PALM3: variants seen among roughly 807,000 people sequenced by gnomAD.
PALM3 encodes paralemmin-3.
Under a neutral mutation model 27.9 loss-of-function variants are expected in PALM3, and 20 were observed. The observed-to-expected ratio is 0.72, with a 90% CI of 0.50 to 1.04. The LOEUF (loss-of-function observed/expected upper bound fraction) is 1.04, where lower values mean the gene tolerates loss of function less well. PALM3 is among the 50% of genes least tolerant of loss of function. The pLI, the probability that PALM3 is intolerant of heterozygous loss-of-function variation, is 0.00. For missense variants in PALM3, 814 were observed against 869.4 expected, an observed-to-expected ratio of 0.94 and a Z score of 0.80; for synonymous variants, 328 against 352.7, an observed-to-expected ratio of 0.93 and a Z score of 0.79.
Position 14,054,350 on chromosome 19 carries a change from T to C in PALM3, c.1322A>G (p.Lys441Arg). ...CAGCTCCAACTTCTTCTCTCCTCCT[T>C]TCCTCTCTACCACTGGTGACATCTC... ...EAEMSPVVERKGGEKKLELES... is the reference protein window; with the variant it reads ...EAEMSPVVERRGGEKKLELES... Residue 441 changes from lysine to arginine, a missense_variant, in exon 7 of 7, where the codon AAA becomes AGA. Transcript: ENST00000669674. 1 of 1,552,182 alleles carries C rather than the reference T, an allele frequency of 6.4e-7. No individual in the cohort carries two copies. Among genetic ancestry groups the C allele is most frequent in the Non-Finnish European group, 8.7e-7 (1 of 1,147,098 alleles).
chr19:14,054,745 C>G lies in PALM3; in HGVS notation c.927G>C (p.Arg309Ser). ...SDAEAMGEIG[R>S]VPEVVQTSSP... ...AGCTAGTCTGCACGACCTCAGGGAC[C>G]CTGCCTATCTCCCCCATGGCCTCTG... The change falls in exon 7 of 7, where the codon AGG (arginine) becomes AGC (serine). Residue 309 changes from arginine (R) to serine (S), a missense_variant. Coordinates refer to ENST00000669674, the MANE Select transcript of PALM3 (RefSeq NM_001145028.2). The G allele has an allele frequency of 1.3e-6, 2 of 1,551,852 alleles. No individual in the cohort carries two copies. Among genetic ancestry groups the G allele is most frequent in the Non-Finnish European group, 1.7e-6 (2 of 1,147,056 alleles).
rs1976247388 is a variant in PALM3, at chr19:14,054,170, A to G, written c.1502T>C (p.Leu501Ser). ...CTCACCTCCTTTCTTCTCTACTCCC[A>G]ATGGTTCTTCTACCTCCTCCTCCTC... The part of the protein sequence containing the change: ...GAEEEEVEEP[L>S]GVEKKGGEEE... The change falls in exon 7 of 7, where the codon TTG (leucine) becomes TCG (serine). Residue 501 changes from leucine to serine, a missense_variant. By Grantham distance (145) the Leu-to-Ser change is moderately radical. Transcript: ENST00000669674. 2 of 1,549,822 alleles carry G rather than the reference A, an allele frequency of 1.3e-6. No individual in the cohort carries two copies. Among genetic ancestry groups the G allele is most frequent in the South Asian group, 1.2e-5 (1 of 83,954 alleles).
chr19:14,059,259 AGCACTTT>A (rs1238753187), intron 1 of PALM3, 96 bp from the exon 2 acceptor site: 2 of 1,207,390 alleles, frequency 1.7e-6, no homozygotes, highest in African/African-American at 3.2e-5. Context: ...CCCCGAGCCC[AGCACTTT>A]GCCTCTGTTT....
Position 14,054,119 on chromosome 19 carries a change from G to A in PALM3, c.1553C>T (p.Pro518Leu). Reference protein sequence around the residue: ...GEEEPEATKEPLEAERKGGEE... With the variant: ...GEEEPEATKELLEAERKGGEE... ...CCCTCCCTTTCTCTCTGCCTCCAGT[G>A]GTTCTTTGGTTGCCTCTGGCTCTTC... The change falls in exon 7 of 7, where the codon CCA (proline) becomes CTA (leucine). Residue 518 changes from proline (P) to leucine (L), a missense_variant. Physicochemically the swap from Pro to Leu is moderately conservative, Grantham distance 98 (BLOSUM62 -3). Transcript: ENST00000669674. 6.4e-7 allele frequency: 1 copy of A among 1,551,606 alleles called. No individual in the cohort carries two copies. The highest frequency in any genetic ancestry group is 8.7e-7 in the Non-Finnish European group (1 of 1,146,954).
rs546924550 is a variant in PALM3 at position 14,057,249 on chromosome 19, C to G, written c.171+102G>C. The G allele has an allele frequency of 8.7e-5, 72 of 826,144 alleles. No homozygotes were observed. In the African/African-American group the frequency reaches 1.0e-3, roughly 12 times the overall value. The allele number at this position is 826,144 out of a possible 1,614,324, so 51.2% of individuals were successfully genotyped here. On this transcript the variant is annotated intron_variant, in intron 3 of 6. Coordinates refer to ENST00000669674, the MANE Select transcript of PALM3 (RefSeq NM_001145028.2). ...AACGCCCCCAACTGCCCGCTCCCCC[C>G]CAAAAATTGGACAGAGGCTCCTATC...
In PALM3 at chr19:14,053,853, G is replaced by A. The variant is rs1005802453; in HGVS notation, c.1819C>T (p.Pro607Ser). ...CCTTGGCCCTCAGCAGCGGTTTGGG[G>A]CTTCACTCCTTCCTCCTCCAGGGCT... ...VGALEEEGVK[P>S]QTAAEGQGPL... Residue 607 changes from proline (P) to serine (S), a missense_variant, in exon 7 of 7, where the codon CCC becomes TCC. Coordinates refer to ENST00000669674, the MANE Select transcript of PALM3 (RefSeq NM_001145028.2). 15 of 1,551,158 alleles carry A rather than the reference G, an allele frequency of 9.7e-6. No individual in the cohort carries two copies. The African/African-American group carries it at 1.8e-4, about 18-fold the overall frequency.
intron 1 of PALM3, among the ~76,000 whole-genome samples, 176 bp from the exon 2 acceptor site, chr19:14,059,339 T>G (rs556436604): frequency 2.6e-5 from 4 of 152,160 alleles, no homozygotes; most frequent in Admixed American, 6.5e-5. Flanking sequence ...AACTGAGCAG[T>G]GACCACGACT....
rs1227848166 is a variant in PALM3 at position 14,054,536 on chromosome 19, G to A, written c.1136C>T (p.Pro379Leu). ...TCCTCTCTCCCTCCCTGCCACCTCG[G>A]GCCCTTCCAACCCCTCCACCAGCAG... Reference protein sequence around the residue: ...EELLVEGLEGPEVAGRERGDE... With the variant: ...EELLVEGLEGLEVAGRERGDE... Residue 379 changes from proline (P) to leucine (L), a missense_variant, in exon 7 of 7, where the codon CCC (proline) becomes CTC (leucine). Pro to Leu is a moderately conservative substitution (Grantham distance 98). Transcript: ENST00000669674. 2 of 1,551,186 alleles carry A rather than the reference G, an allele frequency of 1.3e-6. No individual in the cohort carries two copies. The highest frequency in any genetic ancestry group is 2.4e-5 in the South Asian group (2 of 84,014).
chr19:14,054,858 C>T lies in PALM3; in HGVS notation c.814G>A (p.Gly272Arg), dbSNP rs1225462266. The T allele has an allele frequency of 6.5e-7, 1 of 1,549,604 alleles. No homozygotes were observed. The highest frequency in any genetic ancestry group is 8.7e-7 in the Non-Finnish European group (1 of 1,146,550). ...GCCGGGAGCTCCAGGCTACCAGCTCCCTTCCTGTCTCCGATGGCTTCCAGC... is the reference window on the plus strand; with the variant it reads ...GCCGGGAGCTCCAGGCTACCAGCTCTCTTCCTGTCTCCGATGGCTTCCAGC... ...VVLEAIGDRK[G>R]AGSLELPAWV... Residue 272 changes from glycine (G) to arginine (R), a missense_variant, in exon 7 of 7, where the codon GGA (glycine) becomes AGA (arginine). Physicochemically the swap from Gly to Arg is moderately radical, Grantham distance 125. Coordinates refer to ENST00000669674, the MANE Select transcript of PALM3 (RefSeq NM_001145028.2).
At position 14,061,030 on chromosome 19, in the gene PALM3, G is replaced by A. The variant is rs532676247; in HGVS notation, c.41+910C>T. Among the ~76,000 whole-genome samples the A allele has an allele frequency of 6.6e-5, 10 of 152,256 alleles. 1 individual carries two copies. In the South Asian group the frequency reaches 2.1e-3, roughly 32 times the overall value. On this transcript the variant is annotated intron_variant, in intron 1 of 6. Coordinates refer to ENST00000669674, the MANE Select transcript of PALM3 (RefSeq NM_001145028.2). The stretch of plus-strand genomic sequence containing the variant: ...CCCGCCTCGGCCTCCCAAAGTGCTG[G>A]GATTACAGGCGTGAGCCACCGTGCC...
In PALM3 at chr19:14,053,500, A is replaced by G. The variant is rs1976220037; in HGVS notation, c.*105T>C. ...GCAGGCTAGCTGGCTCCCAGGTGCCATGGCCAGTCCTGTGGTCCCTGTCTG... is the reference window on the plus strand; with the variant it reads ...GCAGGCTAGCTGGCTCCCAGGTGCCGTGGCCAGTCCTGTGGTCCCTGTCTG... On this transcript the variant is annotated 3_prime_UTR_variant, in exon 7 of 7. Coordinates refer to ENST00000669674, the MANE Select transcript of PALM3 (RefSeq NM_001145028.2). The G allele has an allele frequency of 7.6e-7, 1 of 1,316,862 alleles. No homozygotes were observed. Among genetic ancestry groups the G allele is most frequent in the Non-Finnish European group, 9.9e-7 (1 of 1,006,972 alleles). 81.6% of individuals were successfully genotyped at this position (1,316,862 alleles called of 1,614,324 possible). A position where few individuals can be genotyped will look rare whatever the true frequency, so the allele number is the denominator to read the frequency against.
In PALM3 at chr19:14,056,750, G is replaced by C; in HGVS notation, c.226C>G (p.Pro76Ala). 1 of 1,551,616 alleles carries C rather than the reference G, an allele frequency of 6.4e-7. No individual in the cohort carries two copies. The highest frequency in any genetic ancestry group is 8.7e-7 in the Non-Finnish European group (1 of 1,146,950). ...LMDGAAAVPE[P>A]SEDPTSKDPQ... The stretch of plus-strand genomic sequence containing the variant: ...TCCTTCGAGGTGGGGTCTTCGGATG[G>C]CTCTGGCACTGCAGCTGCCCCATCC... The change falls in exon 4 of 7, where the codon CCA becomes GCA. Residue 76 changes from proline (P) to alanine (A), a missense_variant. Coordinates refer to ENST00000669674, the MANE Select transcript of PALM3 (RefSeq NM_001145028.2).
rs778957929 is a variant in PALM3, at chr19:14,054,143, T to G, written c.1529A>C (p.Glu510Ala). 2.6e-5 allele frequency: 40 copies of G among 1,551,454 alleles called. 1 individual carries two copies. The South Asian group carries it at 3.9e-4, about 15-fold the overall frequency. ...PLGVEKKGGEEEPEATKEPLE... is the reference protein window; with the variant it reads ...PLGVEKKGGEAEPEATKEPLE... ...TGGTTCTTTGGTTGCCTCTGGCTCTTCCTCACCTCCTTTCTTCTCTACTCC... is the reference window on the plus strand; with the variant it reads ...TGGTTCTTTGGTTGCCTCTGGCTCTGCCTCACCTCCTTTCTTCTCTACTCC... The change falls in exon 7 of 7, where the codon GAA becomes GCA. Residue 510 changes from glutamate to alanine, a missense_variant. Coordinates refer to ENST00000669674, the MANE Select transcript of PALM3 (RefSeq NM_001145028.2).
At position 14,059,239 on chromosome 19, in the gene PALM3, A is replaced by G. The variant is rs538338523; in HGVS notation, c.42-76T>C. ...CTCTTGGCCAAGATCCCTGAGCAGT[A>G]TGGAAATTGCCCCGAGCCCAGCACT... On this transcript the variant is annotated intron_variant, in intron 1 of 6. Transcript: ENST00000669674. 64 of 1,339,184 alleles carry G rather than the reference A, an allele frequency of 4.8e-5. No individual in the cohort carries two copies. In the South Asian group the frequency reaches 9.9e-4, roughly 21 times the overall value. The allele number at this position is 1,339,184 out of a possible 1,614,324, so 83.0% of individuals were successfully genotyped here.
chr19:14,057,374 TCTC>T lies in PALM3; in HGVS notation c.145_147del (p.Glu49del), dbSNP rs1438254283. Reference sequence around the variant, plus strand: ...ACCTTGAGACGCTCCACGCGGAGTTTCTCCTCCTCCACCTCCCGGCGCGCGGCG... The same window carrying T: ...ACCTTGAGACGCTCCACGCGGAGTTTCTCCTCCACCTCCCGGCGCGCGGCG... On this transcript the variant is annotated inframe_deletion, in exon 3 of 7. Transcript: ENST00000669674. 5.8e-6 allele frequency: 9 copies of T among 1,544,576 alleles called. No homozygotes were observed. Among genetic ancestry groups the T allele is most frequent in the South Asian group, 1.2e-5 (1 of 83,804 alleles).
chr19:14,054,991 G>A lies in PALM3; in HGVS notation c.681C>T (p.Ala227=). The A allele has an allele frequency of 1.9e-6, 3 of 1,548,592 alleles. No individual in the cohort carries two copies. Among genetic ancestry groups the A allele is most frequent in the Non-Finnish European group, 2.6e-6 (3 of 1,145,512 alleles). Reference sequence around the variant, plus strand: ...CCACACTCACCACGCCCCCTCCTTTGGCCTCACCCACCCGCCCTTCGGATG... The same window carrying A: ...CCACACTCACCACGCCCCCTCCTTTAGCCTCACCCACCCGCCCTTCGGATG... ...AVPSEGRVGE[A]KGGGVVSVVW... The change falls in exon 7 of 7, where the codon GCC becomes GCT. Residue 227 remains alanine, a synonymous_variant. Coordinates refer to ENST00000669674, the MANE Select transcript of PALM3 (RefSeq NM_001145028.2).
At chr19:14,060,947 G>A (rs1409702443) in intron 1 of PALM3, among the ~76,000 whole-genome samples, 1 of 152,170 alleles carries the variant, frequency 6.6e-6, no homozygotes, top group Non-Finnish European at 1.5e-5. Flanking sequence ...TTTTAGTACA[G>A]ATGGGGTTTC....
intron 1 of PALM3, among the ~76,000 whole-genome samples, chr19:14,059,831 A>G (rs1976387946): frequency 6.6e-6 from 1 of 151,944 alleles, no homozygotes; most frequent in South Asian, 2.1e-4. Flanking sequence ...TCACTGGGTC[A>G]CTCTGCCTAG....
At chr19:14,059,834 C>G (rs2145707059) in intron 1 of PALM3, among the ~76,000 whole-genome samples, 1 of 152,250 alleles carries the variant, frequency 6.6e-6, no homozygotes, top group South Asian at 2.1e-4. Context: ...CTGGGTCACT[C>G]TGCCTAGGAC....
Sources: gnomAD v4.1 joint callset for allele counts (sites outside exome capture counted in the v4.1 genomes callset) on GRCh38, gnomAD v4.1.1 for gene constraint, MANE v1.5 for transcripts, NCBI Gene and HGNC (gene_info 2026-07-23, HGNC 2026-07-21) for gene names.